Variants in FBXO36 observed in about 807,000 individuals in gnomAD.
FBXO36 encodes F-box protein 36, also known as F-box only protein 36.
Under a neutral mutation model 17.0 loss-of-function variants are expected in FBXO36, and 18 were observed. The ratio of observed to expected loss-of-function variants is 1.06; its 90% CI spans 0.73 to 1.57. The LOEUF (loss-of-function observed/expected upper bound fraction) is 1.57. Among genes scored for constraint, FBXO36 ranks in the 40% most tolerant of loss-of-function variants. The pLI, the probability that FBXO36 is intolerant of heterozygous loss-of-function variation, is 0.00. For synonymous variants in FBXO36, 83 were observed against 85.3 expected, an observed-to-expected ratio of 0.97 and a Z score of 0.15; for missense variants, 229 against 221.9, an observed-to-expected ratio of 1.03 and a Z score of -0.20.
chr2:229,939,681 T>C (rs1194070558), intron 1 of FBXO36, among the ~76,000 whole-genome samples: 2 of 152,174 alleles, frequency 1.3e-5, no homozygotes, highest in Non-Finnish European at 2.9e-5. Context: ...CTTTAAAGCC[T>C]CTGCTCCCCT....
At chr2:229,944,653 C>T (rs1031266991) in intron 1 of FBXO36, among the ~76,000 whole-genome samples, 1 of 142,654 alleles carries the variant, frequency 7.0e-6, no homozygotes, top group African/African-American at 2.6e-5. Flanking sequence ...AGTGTGGTGG[C>T]GCCATCTTGG....
chr2:229,975,823 G>A (rs557990322), intron 1 of FBXO36, among the ~76,000 whole-genome samples: 15 of 134,534 alleles, frequency 1.1e-4, no homozygotes, highest in South Asian at 2.7e-4. Context: ...GGGGGCGGGC[G>A]GGGGATGGAG....
At chr2:229,977,064 A>C (rs557231055) in intron 2 of FBXO36, 1 of 152,146 alleles carries the variant, frequency 6.6e-6, no homozygotes, top group East Asian at 1.9e-4. Flanking sequence ...CTGACTGGTA[A>C]AGTCTCTGGT....
chr2:229,989,797 A>G (rs1433431332), intron 2 of FBXO36, among the ~76,000 whole-genome samples: 1 of 138,940 alleles, frequency 7.2e-6, no homozygotes, highest in Non-Finnish European at 1.5e-5. Flanking sequence ...CTGGTCTTGA[A>G]CTTCTGACCT....
At chr2:229,932,096 T>C (rs2076941658) in intron 1 of FBXO36, among the ~76,000 whole-genome samples, 1 of 151,782 alleles carries the variant, frequency 6.6e-6, no homozygotes, top group Non-Finnish European at 1.5e-5. Context: ...GAAAGTAGTG[T>C]TTTAGGCTGG....
At chr2:229,984,356 C>T (rs988445592) in intron 2 of FBXO36, among the ~76,000 whole-genome samples, 1 of 150,080 alleles carries the variant, frequency 6.7e-6, no homozygotes. Context: ...CAAAAACAAA[C>T]AAAAAAAATC....
intron 1 of FBXO36, among the ~76,000 whole-genome samples, chr2:229,951,132 A>G (rs1305276895): frequency 6.6e-6 from 1 of 151,564 alleles, no homozygotes; most frequent in African/African-American, 2.4e-5. Context: ...ACAGGGTTTC[A>G]CCTTGTTAGC....
At chr2:229,970,756 C>T (rs1467683368) in intron 1 of FBXO36, among the ~76,000 whole-genome samples, 2 of 152,070 alleles carry the variant, frequency 1.3e-5, no homozygotes, top group East Asian at 3.8e-4. Context: ...CTTATATTTT[C>T]CTTTTTTAGA....
chr2:230,006,683 G>T (rs533166934), intron 3 of FBXO36, among the ~76,000 whole-genome samples: 4 of 152,290 alleles, frequency 2.6e-5, no homozygotes, highest in South Asian at 2.1e-4. Context: ...AGTGGGAGGG[G>T]CTGGGGAGTA....
At chr2:229,947,837 A>G (rs1301022125) in intron 1 of FBXO36, among the ~76,000 whole-genome samples, 2 of 152,226 alleles carry the variant, frequency 1.3e-5, no homozygotes, top group African/African-American at 4.8e-5. Context: ...AGCTGAGTAT[A>G]AACTGCCCCT....
chr2:229,938,828 C>G (rs1476643900), intron 1 of FBXO36, among the ~76,000 whole-genome samples: 1 of 134,030 alleles, frequency 7.5e-6, no homozygotes, highest in Admixed American at 7.9e-5. Context: ...GGCGCCATCT[C>G]GGCTCACCGC....
At chr2:229,972,826 G>T (rs1409897001) in intron 1 of FBXO36, among the ~76,000 whole-genome samples, 3 of 152,056 alleles carry the variant, frequency 2.0e-5, no homozygotes, top group Non-Finnish European at 4.4e-5. Flanking sequence ...CACTTTGGGA[G>T]GCTGAGGCGG....
chr2:229,927,046 G>T (rs541718410), intron 1 of FBXO36, among the ~76,000 whole-genome samples: 19 of 152,114 alleles, frequency 1.2e-4, no homozygotes, highest in Admixed American at 8.5e-4. Flanking sequence ...TTTTAGTAGG[G>T]ATGGGGTTTC....
intron 1 of FBXO36, among the ~76,000 whole-genome samples, chr2:229,923,743 G>A (rs888418674): frequency 8.6e-5 from 13 of 151,658 alleles, no homozygotes; most frequent in Middle Eastern, 3.4e-3. Flanking sequence ...TGGGCCCAGG[G>A]TCAGACTCAA....
chr2:229,939,242 G>T (rs1428714350), intron 1 of FBXO36: 1 of 984,982 alleles, frequency 1.0e-6, no homozygotes, highest in African/African-American at 1.8e-5. Flanking sequence ...TTTCTACCTC[G>T]TAATAATGTT....
chr2:229,994,293 C>A (rs1176798083), intron 2 of FBXO36, among the ~76,000 whole-genome samples: 1 of 152,012 alleles, frequency 6.6e-6, no homozygotes, highest in Non-Finnish European at 1.5e-5. Context: ...CTATTCCTCA[C>A]CCCCCAAGAA....
chr2:229,995,584 C>A (rs796948601), intron 2 of FBXO36, among the ~76,000 whole-genome samples: 1 of 73,254 alleles, frequency 1.4e-5, no homozygotes, highest in South Asian at 5.1e-4. Context: ...CTTTCTTTCT[C>A]TTTCTTTCTT....
intron 2 of FBXO36, among the ~76,000 whole-genome samples, chr2:229,995,626 C>T (rs1462433554): frequency 3.4e-4 from 30 of 88,384 alleles, no homozygotes; most frequent in Admixed American, 8.7e-4. Flanking sequence ...GAATTTCGCT[C>T]TTGTTGCACA....
chr2:230,010,316 G>A (rs1446895270), intron 3 of FBXO36, among the ~76,000 whole-genome samples: 1 of 152,094 alleles, frequency 6.6e-6, no homozygotes, highest in Non-Finnish European at 1.5e-5. Flanking sequence ...AGATGAATTG[G>A]AATTAACTAG....
Sources: allele counts gnomAD v4.1 joint callset (sites outside exome capture counted in the v4.1 genomes callset), GRCh38; gene constraint gnomAD v4.1.1; transcripts MANE v1.5; gene names NCBI Gene and HGNC (gene_info 2026-07-23, HGNC 2026-07-21).